PKD1L1: variants seen among roughly 807,000 people sequenced by gnomAD.
The protein encoded by PKD1L1 is polycystin-1-like protein 1.
PKD1L1 carries 236 observed loss-of-function variants against 323.4 expected under a neutral mutation model. The ratio of observed to expected loss-of-function variants is 0.73; its 90% CI spans 0.66 to 0.81. The LOEUF is 0.81. Ranked by LOEUF, PKD1L1 falls within the 40% of genes least tolerant of loss-of-function variation. The pLI is 0.00. For missense variants in PKD1L1, 3,320 were observed against 3,508.0 expected (o/e 0.95, Z 1.35); for synonymous variants, 1,344 against 1,335.0 (o/e 1.01, Z -0.15).
rs951425826 is a variant in PKD1L1 at position 47,834,876 on chromosome 7, T to C, written c.6127+91A>G. The C allele has an allele frequency of 4.5e-5, 49 of 1,099,940 alleles. No homozygotes were observed. In the East Asian group the frequency reaches 7.0e-4, roughly 16 times the overall value. The allele number at this position is 1,099,940 out of a possible 1,614,324, so 68.1% of individuals were successfully genotyped here. A position where few individuals can be genotyped will look rare whatever the true frequency, so the allele number is the denominator to read the frequency against. On this transcript the variant is annotated intron_variant, in intron 39 of 56. Transcript: ENST00000289672. Reference sequence around the variant, plus strand: ...TTACTCATAATAAACATAATGCAAATTGAAAACAGAAGATACAATTTCTAC... The same window carrying C: ...TTACTCATAATAAACATAATGCAAACTGAAAACAGAAGATACAATTTCTAC...
chr7:47,884,509 G>A, intron 19 of PKD1L1, 89 bp downstream of exon 19: 1 of 1,197,922 alleles, frequency 8.3e-7, no homozygotes, highest in Non-Finnish European at 1.2e-6. Context: ...CAGTGGCTGT[G>A]TAAGGGAACA....
At chr7:47,802,116 G>A (rs777184261) in intron 53 of PKD1L1, among the ~76,000 whole-genome samples, 13 of 151,416 alleles carry the variant, frequency 8.6e-5, no homozygotes, top group East Asian at 1.9e-4. Context: ...GCATGAACCC[G>A]GGAGGCGGAG....
At chr7:47,853,066 T>G in intron 31 of PKD1L1, 61 bp downstream of exon 31, 1 of 1,109,104 alleles carries the variant, frequency 9.0e-7, no homozygotes, top group Non-Finnish European at 1.4e-6. Context: ...CATACAAAGG[T>G]TATAGGGGAT....
rs772032374 is a variant in PKD1L1 at position 47,932,000 on chromosome 7, C to A, written c.455G>T (p.Arg152Met). The change falls in exon 5 of 57, where the codon AGG becomes ATG. Residue 152 changes from arginine to methionine, a missense_variant. Transcript: ENST00000289672. ...AGCACACAGCCGCCTGTGATGGAACCTGGGGCCACCACTGCTCCAGGCCCT... is the reference window on the plus strand; with the variant it reads ...AGCACACAGCCGCCTGTGATGGAACATGGGGCCACCACTGCTCCAGGCCCT... The part of the protein sequence containing the change: ...IARAWSSGGP[R>M]FHHRRLCATG... 1 of 1,614,130 alleles carries A rather than the reference C, an allele frequency of 6.2e-7. No homozygotes were observed. Among genetic ancestry groups the A allele is most frequent in the Non-Finnish European group, 8.5e-7 (1 of 1,179,980 alleles).
chr7:47,924,667 C>T (rs1217324526), intron 7 of PKD1L1, among the ~76,000 whole-genome samples: 3 of 152,168 alleles, frequency 2.0e-5, no homozygotes, highest in Non-Finnish European at 4.4e-5. Flanking sequence ...GTTTCCTTTG[C>T]CTCCAAGTAT....
At position 47,857,806 on chromosome 7, in the gene PKD1L1, G is replaced by T; in HGVS notation, c.4389C>A (p.Ser1463Arg). The change falls in exon 28 of 57, where the codon AGC (serine) becomes AGA (arginine). Residue 1463 changes from serine (S) to arginine (R), a missense_variant. Ser to Arg is a moderately radical substitution (Grantham distance 110). Coordinates refer to ENST00000289672, the MANE Select transcript of PKD1L1 (RefSeq NM_138295.5). ...LLGCLSLNHV[S>R]TGQMEFRTLL... ...GGGTCCGGAACTCCATCTGCCCAGTGCTAACATGGTTCAAAGAGAGACAAC... is the reference window on the plus strand; with the variant it reads ...GGGTCCGGAACTCCATCTGCCCAGTTCTAACATGGTTCAAAGAGAGACAAC... 1 of 1,614,170 alleles carries T rather than the reference G, an allele frequency of 6.2e-7. No homozygotes were observed. Among genetic ancestry groups the T allele is most frequent in the Non-Finnish European group, 8.5e-7 (1 of 1,180,022 alleles).
At chr7:47,851,944 A>G (rs1352200939) in intron 31 of PKD1L1, among the ~76,000 whole-genome samples, 2 of 152,262 alleles carry the variant, frequency 1.3e-5, no homozygotes, top group Admixed American at 1.3e-4. Flanking sequence ...AAAAAATATA[A>G]AGAGCTATAG....
intron 48 of PKD1L1, 139 bp from the exon 49 acceptor site, chr7:47,813,432 T>C: frequency 1.1e-6 from 1 of 935,422 alleles, no homozygotes; most frequent in Non-Finnish European, 1.7e-6. Flanking sequence ...ATAGGATCGT[T>C]CTGCAGCCTG....
chr7:47,877,489 C>T lies in PKD1L1; in HGVS notation c.3663G>A (p.Pro1221=), dbSNP rs72601626. The T allele has an allele frequency of 0.067, 108,146 of 1,613,518 alleles. 4,068 individuals are homozygous for T. Among genetic ancestry groups the T allele is most frequent in the East Asian group, 0.069 (3,112 of 44,852 alleles). Residue 1221 remains proline (P), a splice_region_variant and synonymous_variant, in exon 22 of 57, where the codon CCG becomes CCA. Transcript: ENST00000289672. ...VFSVFCMSGK[P]DFHYEFSYQI... ...GACAGACATGGGGTTGTCCACGTAC[C>T]GGTTTTCCAGACATGCAGAAGACAC... is the stretch of plus-strand genomic sequence containing the variant.
Position 47,905,325 on chromosome 7 carries a change from G to A in PKD1L1, c.1523C>T (p.Ser508Phe). 13 of 1,613,236 alleles carry A rather than the reference G, an allele frequency of 8.1e-6. No individual in the cohort carries two copies. The highest frequency in any genetic ancestry group is 1.1e-5 in the Non-Finnish European group (13 of 1,179,684). Residue 508 changes from serine to phenylalanine, a missense_variant and splice_region_variant, in exon 11 of 57, where the codon TCC becomes TTC. Physicochemically the swap from Ser to Phe is radical, Grantham distance 155. Coordinates refer to ENST00000289672, the MANE Select transcript of PKD1L1 (RefSeq NM_138295.5). ...AGTTCCATTTGTGTAGACAGAGACG[G>A]CTGTGGCAAAAGAAAGGAAGGTATG... is the stretch of plus-strand genomic sequence containing the variant. ...HSMTVWYKMQ[S>F]VSVYTNGTVF... is the part of the protein sequence containing the mutation.
intron 49 of PKD1L1, 148 bp from the exon 50 acceptor site, chr7:47,812,199 A>C (rs1584960493): frequency 3.1e-6 from 2 of 644,300 alleles, no homozygotes; most frequent in East Asian, 5.5e-5. Flanking sequence ...GGGGCAGGAC[A>C]GATGGCCCTC....
Position 47,774,965 on chromosome 7 carries a change from T to C in PKD1L1, c.*178A>G. The C allele has an allele frequency of 1.5e-6, 1 of 686,222 alleles. No homozygotes were observed. The highest frequency in any genetic ancestry group is 2.5e-5 in the Admixed American group (1 of 40,654). 42.5% of individuals were successfully genotyped at this position (686,222 alleles called of 1,614,324 possible). On this transcript the variant is annotated 3_prime_UTR_variant, in exon 57 of 57. Coordinates refer to ENST00000289672, the MANE Select transcript of PKD1L1 (RefSeq NM_138295.5). ...TTATGAGTAACAGTCTGATGACAGA[T>C]AAACCTTGATTTTCATCCTGGTTTC...
At chr7:47,829,906 G>A (rs1277811362) in intron 43 of PKD1L1, 134 bp downstream of exon 43, 19 of 882,356 alleles carry the variant, frequency 2.2e-5, no homozygotes, top group Non-Finnish European at 3.5e-5. Flanking sequence ...CCTGGCTCCT[G>A]GTTCTCTCCA....
chr7:47,868,491 T>C (rs1158009117), intron 24 of PKD1L1, among the ~76,000 whole-genome samples: 1 of 152,170 alleles, frequency 6.6e-6, no homozygotes, highest in Non-Finnish European at 1.5e-5. Context: ...CAGGAAGATA[T>C]GAAGACAAAC....
At chr7:47,913,022 T>A (rs1024836050) in intron 8 of PKD1L1, among the ~76,000 whole-genome samples, 1 of 151,936 alleles carries the variant, frequency 6.6e-6, no homozygotes, top group Non-Finnish European at 1.5e-5. Context: ...GCAGTGGGCC[T>A]GAGAGTCTGT....
At chr7:47,909,691 C>A (rs1787277913) in intron 8 of PKD1L1, among the ~76,000 whole-genome samples, 1 of 152,204 alleles carries the variant, frequency 6.6e-6, no homozygotes, top group African/African-American at 2.4e-5. Flanking sequence ...AAAGGTTAAA[C>A]AATGTGCTAT....
intron 24 of PKD1L1, among the ~76,000 whole-genome samples, chr7:47,872,952 T>C (rs1294298746): frequency 1.3e-5 from 2 of 152,190 alleles, no homozygotes; most frequent in South Asian, 2.1e-4. Flanking sequence ...AAATATGATA[T>C]GTTCATACAA....
chr7:47,800,504 GC>G (rs1784636434), intron 54 of PKD1L1, 144 bp downstream of exon 54: 2 of 810,784 alleles, frequency 2.5e-6, no homozygotes, highest in Non-Finnish European at 3.9e-6. Context: ...ACCTCCCAGG[GC>G]AGGTGAGCTG....
At chr7:47,832,938 A>T in intron 41 of PKD1L1, 152 bp downstream of exon 41, 1 of 1,007,232 alleles carries the variant, frequency 9.9e-7, no homozygotes, top group Non-Finnish European at 1.4e-6. Flanking sequence ...TGGACGCCTC[A>T]GTTTTGGGTG....
Sources: gnomAD v4.1 joint callset for allele counts (sites outside exome capture counted in the v4.1 genomes callset) on GRCh38, gnomAD v4.1.1 for gene constraint, MANE v1.5 for transcripts, NCBI Gene and HGNC (gene_info 2026-07-23, HGNC 2026-07-21) for gene names.